TTLL9: variants seen among roughly 807,000 people sequenced by gnomAD.
TTLL9 encodes the protein probable tubulin polyglutamylase TTLL9.
A neutral mutation model predicts 65.6 loss-of-function variants in TTLL9; 47 were observed. The observed-to-expected ratio is 0.72, with a 90% CI of 0.57 to 0.91. The LOEUF is 0.91. TTLL9 is among the 40% of genes least tolerant of loss of function. TTLL9 has a pLI of 0.00. For missense variants in TTLL9, 537 were observed against 568.8 expected, an observed-to-expected ratio of 0.94 and a Z score of 0.57; for synonymous variants, 179 against 204.8, an observed-to-expected ratio of 0.87 and a Z score of 1.07.
intron 2 of TTLL9, among the ~76,000 whole-genome samples, chr20:31,875,649 A>T (rs1308609810): frequency 6.6e-6 from 1 of 152,206 alleles, no homozygotes. Context: ...TCCTACTATT[A>T]TGCATTCAAA....
rs528093972 is a variant in TTLL9, at chr20:31,888,175, C to T, written c.113+936C>T. ...TTGGGATTACAGGCGTGAGCCACCA[C>T]GCCCAGCCAGATATTTTTGTTATTT... On this transcript the variant is annotated intron_variant, in intron 3 of 14. Transcript: ENST00000535842. Among the ~76,000 whole-genome samples, 12 of 152,308 alleles carry T rather than the reference C, an allele frequency of 7.9e-5. No homozygotes were observed. In the South Asian group the frequency reaches 1.5e-3, roughly 18 times the overall value.
intron 4 of TTLL9, among the ~76,000 whole-genome samples, chr20:31,907,607 GC>G (rs780103904): frequency 9.9e-5 from 15 of 151,946 alleles, no homozygotes; most frequent in Non-Finnish European, 1.8e-4. Flanking sequence ...TGTAATCCCA[GC>G]TACTCGGGAG....
At chr20:31,898,823 G>T (rs896659937) in intron 4 of TTLL9, among the ~76,000 whole-genome samples, 1 of 152,244 alleles carries the variant, frequency 6.6e-6, no homozygotes, top group Non-Finnish European at 1.5e-5. Flanking sequence ...AGCATTGTAA[G>T]CATCAGAGCA....
At chr20:31,883,998 A>G in intron 2 of TTLL9, 1 of 485,024 alleles carries the variant, frequency 2.1e-6, no homozygotes, top group Non-Finnish European at 3.8e-6. Flanking sequence ...GAAAGAAGTA[A>G]GTAAGTCTGC....
intron 2 of TTLL9, among the ~76,000 whole-genome samples, chr20:31,873,219 T>C (rs182367871): frequency 5.1e-4 from 78 of 152,352 alleles, no homozygotes; most frequent in African/African-American, 1.9e-3. Context: ...TGAAAGTCAC[T>C]ATCTGTGTCA....
rs761906219 is a variant in TTLL9 at position 31,934,674 on chromosome 20, C to G, written c.808-18C>G. 4 of 1,599,002 alleles carry G rather than the reference C, an allele frequency of 2.5e-6. No homozygotes were observed. Among genetic ancestry groups the G allele is most frequent in the Non-Finnish European group, 3.4e-6 (4 of 1,173,178 alleles). On this transcript the variant is annotated intron_variant, in intron 11 of 14. Transcript: ENST00000535842. ...ACTAACTGAGGCTCCTCTCTCGACC[C>G]GGCTGCCCGGGGCCCAGGGCTGCAA...
chr20:31,941,328 T>C (rs2064205391), intron 14 of TTLL9: 1 of 152,082 alleles, frequency 6.6e-6, no homozygotes, highest in Non-Finnish European at 1.5e-5. Flanking sequence ...GTTGCAGCCT[T>C]CTTTGCCAAC....
intron 2 of TTLL9, among the ~76,000 whole-genome samples, chr20:31,874,321 C>G (rs2063007603): frequency 6.6e-6 from 1 of 151,300 alleles, no homozygotes; most frequent in African/African-American, 2.4e-5. Context: ...TGTTTACACT[C>G]TATTTCCTTG....
Position 31,926,099 on chromosome 20 carries a change from A to T in TTLL9, c.748+8A>T, listed in dbSNP as rs748196886. 3.8e-6 allele frequency: 6 copies of T among 1,583,618 alleles called. No homozygotes were observed. Among genetic ancestry groups the T allele is most frequent in the Non-Finnish European group, 5.2e-6 (6 of 1,152,284 alleles). ...CTGGGCACAGGAGACAGGGTATGAG[A>T]TAGGTCTGGTCCCTTCCCTCCGGGA... On this transcript the variant is annotated splice_region_variant and intron_variant, in intron 10 of 14. Coordinates refer to ENST00000535842, the MANE Select transcript of TTLL9 (RefSeq NM_001008409.5).
intron 3 of TTLL9, among the ~76,000 whole-genome samples, chr20:31,890,142 C>CTTTCT (rs1568753417): frequency 2.4e-4 from 6 of 25,132 alleles, no homozygotes; most frequent in African/African-American, 1.3e-3. Context: ...TCCTTCCTTC[C>CTTTCT]TTCCTTCCTT....
chr20:31,934,748 C>CGAGGCA lies in TTLL9; in HGVS notation c.866_871dup (p.Glu289_Ala290dup), dbSNP rs2064080653. On this transcript the variant is annotated inframe_insertion, in exon 12 of 15. Coordinates refer to ENST00000535842, the MANE Select transcript of TTLL9 (RefSeq NM_001008409.5). ...AGTACCTGGCGTCCAAACACGGGCCCGAGGCAGTGGAGACACTCTTCAGGG... is the reference window on the plus strand; with the variant it reads ...AGTACCTGGCGTCCAAACACGGGCCCGAGGCAGAGGCAGTGGAGACACTCTTCAGGG... The CGAGGCA allele has an allele frequency of 6.2e-7, 1 of 1,612,736 alleles. No individual in the cohort carries two copies. Among genetic ancestry groups the CGAGGCA allele is most frequent in the African/African-American group, 1.3e-5 (1 of 74,868 alleles).
At chr20:31,872,951 C>G in intron 2 of TTLL9, 1 of 508,132 alleles carries the variant, frequency 2.0e-6, no homozygotes, top group Non-Finnish European at 3.9e-6. Context: ...GAAAATTTAA[C>G]CTGGGAGGCC....
At chr20:31,909,644 G>A (rs2063614960) in intron 5 of TTLL9, 93 bp from the exon 6 acceptor site, 1 of 1,191,748 alleles carries the variant, frequency 8.4e-7, no homozygotes, top group Admixed American at 2.0e-5. Flanking sequence ...CCAGAGCATG[G>A]AGGCTGCAGG....
chr20:31,930,854 T>C (rs1428427415), intron 10 of TTLL9, among the ~76,000 whole-genome samples: 7 of 152,174 alleles, frequency 4.6e-5, no homozygotes, highest in African/African-American at 7.2e-5. Flanking sequence ...TGGTTTTAGG[T>C]TCCTCTCTAG....
chr20:31,906,805 C>T (rs2063565816), intron 4 of TTLL9, among the ~76,000 whole-genome samples: 1 of 152,116 alleles, frequency 6.6e-6, no homozygotes, highest in South Asian at 2.1e-4. Context: ...CATGCCACCA[C>T]TCCTGGCTAA....
chr20:31,896,322 T>A (rs1178061314), intron 3 of TTLL9, among the ~76,000 whole-genome samples: 1 of 152,224 alleles, frequency 6.6e-6, no homozygotes, highest in African/African-American at 2.4e-5. Flanking sequence ...GATTCCATTT[T>A]GAATCTGACA....
intron 14 of TTLL9, among the ~76,000 whole-genome samples, chr20:31,942,215 T>C (rs1282702411): frequency 6.6e-6 from 1 of 152,154 alleles, no homozygotes. Context: ...AGCAGCATTT[T>C]TGAGTGCCAG....
chr20:31,877,557 T>G (rs1282798292), intron 2 of TTLL9, among the ~76,000 whole-genome samples: 1 of 152,254 alleles, frequency 6.6e-6, no homozygotes, highest in East Asian at 1.9e-4. Context: ...ATATAACATG[T>G]ATATGTCTTA....
chr20:31,924,709 G>A (rs976965431), intron 8 of TTLL9, among the ~76,000 whole-genome samples: 4 of 152,044 alleles, frequency 2.6e-5, no homozygotes, highest in African/African-American at 9.6e-5. Flanking sequence ...TCAATCTCCA[G>A]AGTAGCTGAG....
Sources: allele counts gnomAD v4.1 joint callset (sites outside exome capture counted in the v4.1 genomes callset), GRCh38; gene constraint gnomAD v4.1.1; transcripts MANE v1.5; gene names NCBI Gene and HGNC (gene_info 2026-07-23, HGNC 2026-07-21).